Variants in RAPH1 observed in about 807,000 individuals in gnomAD.
The protein encoded by RAPH1 is ras-associated and pleckstrin homology domains-containing protein 1.
Under a neutral mutation model 88.1 loss-of-function variants are expected in RAPH1, and 18 were observed. The ratio of observed to expected loss-of-function variants is 0.20; its 90% CI spans 0.14 to 0.30. The LOEUF (loss-of-function observed/expected upper bound fraction) is 0.30, where lower values mean the gene tolerates loss of function less well. RAPH1 is among the 10% of genes least tolerant of loss of function. The pLI is 1.00. For synonymous variants in RAPH1, 587 were observed against 559.0 expected (o/e 1.05, Z -0.71); for missense variants, 1,448 against 1,543.2 (o/e 0.94, Z 1.03).
At chr2:203,460,062 T>C in intron 6 of RAPH1, 34 bp from the exon 7 acceptor site, 1 of 1,577,998 alleles carries the variant, frequency 6.3e-7, no homozygotes, top group Non-Finnish European at 8.6e-7. Flanking sequence ...ATTTTGTTAG[T>C]ATTCATTAGA....
chr2:203,500,484 T>C (rs1688694671), intron 1 of RAPH1, among the ~76,000 whole-genome samples: 2 of 152,194 alleles, frequency 1.3e-5, no homozygotes, highest in African/African-American at 4.8e-5. Flanking sequence ...GACTTTATCC[T>C]GTAGGGCAAT....
At chr2:203,469,548 T>C (rs999385451) in intron 4 of RAPH1, among the ~76,000 whole-genome samples, 2 of 152,234 alleles carry the variant, frequency 1.3e-5, no homozygotes, top group Non-Finnish European at 2.9e-5. Context: ...ATATGTCTGA[T>C]ATTCTTGAAT....
intron 4 of RAPH1, among the ~76,000 whole-genome samples, chr2:203,475,750 A>G (rs75811127): frequency 1.8e-5 from 2 of 112,858 alleles, no homozygotes; most frequent in Admixed American, 1.7e-4. Flanking sequence ...CTTCTTGTAT[A>G]AAAAAAAAAA....
chr2:203,440,255 A>C lies in RAPH1; in HGVS notation c.2935T>G (p.Ser979Ala). 1 of 1,613,368 alleles carries C rather than the reference A, an allele frequency of 6.2e-7. No individual in the cohort carries two copies. Among genetic ancestry groups the C allele is most frequent in the South Asian group, 1.1e-5 (1 of 91,028 alleles). The change falls in exon 14 of 14, where the codon TCC becomes GCC. Residue 979 changes from serine to alanine, a missense_variant. Ser to Ala is a moderately conservative substitution (Grantham distance 99). Around this residue, in one of 2 missense-constraint regions of RAPH1, gnomAD observed 935 missense variants for 890.1 expected, o/e 1.05. Transcript: ENST00000319170. ...GCACCACTGCTGGATTTAATGCTGGAGTTGCGCTGTGGGGTTGGGGGTGGT... is the reference window on the plus strand; with the variant it reads ...GCACCACTGCTGGATTTAATGCTGGCGTTGCGCTGTGGGGTTGGGGGTGGT... ...KKPPPTPQRN[S>A]SIKSSSGAEH...
intron 13 of RAPH1, chr2:203,443,955 G>C (rs1412937279): frequency 6.6e-6 from 1 of 151,208 alleles, no homozygotes; most frequent in African/African-American, 2.4e-5. Context: ...AGTGAGCCCT[G>C]ATAACACCAC....
intron 3 of RAPH1, 48 bp from the exon 4 acceptor site, chr2:203,490,137 T>C: frequency 6.7e-7 from 1 of 1,490,812 alleles, no homozygotes; most frequent in Non-Finnish European, 9.0e-7. Context: ...CATTCTATTA[T>C]AAATCAGTTA....
chr2:203,520,546 G>C (rs1689820933), intron 1 of RAPH1, among the ~76,000 whole-genome samples: 1 of 151,840 alleles, frequency 6.6e-6, no homozygotes, highest in South Asian at 2.1e-4. Context: ...AGAATCGCCT[G>C]AACCCAGGAG....
intron 1 of RAPH1, among the ~76,000 whole-genome samples, chr2:203,524,818 C>A (rs1300896248): frequency 2.0e-5 from 3 of 152,092 alleles, no homozygotes; most frequent in Non-Finnish European, 2.9e-5. Context: ...TTAAAACTTA[C>A]CAAATTGTAC....
intron 4 of RAPH1, among the ~76,000 whole-genome samples, chr2:203,477,428 A>G (rs918270870): frequency 5.3e-5 from 8 of 152,244 alleles, no homozygotes; most frequent in African/African-American, 1.4e-4. Flanking sequence ...GTGCAGAAAC[A>G]TTATGTCTAA....
At chr2:203,511,663 T>A (rs1689346345) in intron 1 of RAPH1, among the ~76,000 whole-genome samples, 1 of 152,018 alleles carries the variant, frequency 6.6e-6, no homozygotes, top group Non-Finnish European at 1.5e-5. Context: ...TTCCAGGGTT[T>A]CATTCCAAAA....
intron 3 of RAPH1, 139 bp from the exon 4 acceptor site, chr2:203,490,228 T>A: frequency 2.3e-6 from 2 of 858,976 alleles, no homozygotes; most frequent in Non-Finnish European, 1.7e-6. Context: ...GTTTTTGTTT[T>A]AAATTCCAAG....
intron 10 of RAPH1, among the ~76,000 whole-genome samples, chr2:203,451,618 G>A (rs1231417556): frequency 6.6e-6 from 1 of 152,158 alleles, no homozygotes; most frequent in Non-Finnish European, 1.5e-5. Context: ...ATTCTTAAGA[G>A]AGTCCAGAGA....
chr2:203,444,963 T>C lies in RAPH1; in HGVS notation c.1681A>G (p.Thr561Ala). ...GAACGGACGTGTCCTGCTGGCTGGG[T>C]GTCAGAAACTCCGCTATCAGACTGA... ...SNQSDSGVSD[T>A]QPAGHVRSQS... Residue 561 changes from threonine (T) to alanine (A), a missense_variant, in exon 13 of 14, where the codon ACC becomes GCC. Physicochemically the swap from Thr to Ala is moderately conservative, Grantham distance 58. This residue lies in a region of RAPH1 where 935 missense variants were observed against 890.1 expected (regional missense o/e 1.05). Transcript: ENST00000319170. 8 of 1,614,164 alleles carry C rather than the reference T, an allele frequency of 5.0e-6. No homozygotes were observed. The highest frequency in any genetic ancestry group is 6.8e-6 in the Non-Finnish European group (8 of 1,180,012).
At chr2:203,441,463 A>G in intron 13 of RAPH1, 50 bp from the exon 14 acceptor site, 2 of 1,486,908 alleles carry the variant, frequency 1.3e-6, no homozygotes, top group South Asian at 1.4e-5. Context: ...ACAACAAACA[A>G]AACAGTTACA....
At chr2:203,461,974 T>C (rs2098524555) in intron 4 of RAPH1, 49 bp from the exon 5 acceptor site, 1 of 1,495,796 alleles carries the variant, frequency 6.7e-7, no homozygotes. Context: ...TGATGAAATA[T>C]TTGAGAAATC....
At chr2:203,502,569 A>G (rs1186240861) in intron 1 of RAPH1, among the ~76,000 whole-genome samples, 3 of 152,188 alleles carry the variant, frequency 2.0e-5, no homozygotes, top group Admixed American at 1.3e-4. Context: ...AACCCCTTAG[A>G]AAAAGAATTT....
At chr2:203,495,138 T>TA in intron 2 of RAPH1, 96 bp downstream of exon 2, 1 of 1,389,100 alleles carries the variant, frequency 7.2e-7, no homozygotes, top group Non-Finnish European at 9.9e-7. Context: ...GGCAATACTT[T>TA]AAAATTTAAC....
At chr2:203,518,622 G>A (rs907204051) in intron 1 of RAPH1, among the ~76,000 whole-genome samples, 1 of 151,668 alleles carries the variant, frequency 6.6e-6, no homozygotes, top group Admixed American at 6.6e-5. Context: ...CAAGCGGGAG[G>A]ATTGCTTGAG....
At chr2:203,519,222 T>G (rs771496311) in intron 1 of RAPH1, among the ~76,000 whole-genome samples, 1 of 152,140 alleles carries the variant, frequency 6.6e-6, no homozygotes, top group Non-Finnish European at 1.5e-5. Context: ...CATTATCTCA[T>G]GAACATAGAT....
Sources: allele counts gnomAD v4.1 joint callset (sites outside exome capture counted in the v4.1 genomes callset), GRCh38; gene constraint gnomAD v4.1.1; regional missense constraint gnomAD v4.1.1; transcripts MANE v1.5; gene names NCBI Gene and HGNC (gene_info 2026-07-23, HGNC 2026-07-21).